The following CACNA2D3 variants were observed in gnomAD, a reference collection of about 807,000 sequenced individuals.
The protein encoded by CACNA2D3 is calcium voltage-gated channel auxiliary subunit alpha2delta 3, also known as voltage-dependent calcium channel subunit alpha-2/delta-3.
A neutral mutation model predicts 160.6 loss-of-function variants in CACNA2D3; 60 were observed. The ratio of observed to expected loss-of-function variants is 0.37; its 90% CI spans 0.30 to 0.46. CACNA2D3 has a LOEUF of 0.46. CACNA2D3 is among the 20% of genes least tolerant of loss of function. The probability of loss-of-function intolerance (pLI) is 1.00; values close to 1 mark genes in which losing one functional copy is unlikely to be tolerated. For synonymous variants in CACNA2D3, 558 were observed against 492.9 expected (o/e 1.13, Z -1.75); for missense variants, 1,205 against 1,365.0 (o/e 0.88, Z 1.85).
chr3:54,529,718 G>GA (rs958994973), intron 5 of CACNA2D3, among the ~76,000 whole-genome samples: 18 of 151,604 alleles, frequency 1.2e-4, no homozygotes, highest in African/African-American at 3.4e-4. Flanking sequence ...GAGCTTAAAG[G>GA]AAAAAAAATG....
chr3:54,413,053 T>G (rs75821365), intron 4 of CACNA2D3, among the ~76,000 whole-genome samples: 3,371 of 151,964 alleles, frequency 0.022, 59 homozygotes, highest in South Asian at 0.057. Flanking sequence ...CTTTTAGCAA[T>G]TTTTAATTTT....
At chr3:54,356,167 A>G (rs1249494362) in intron 3 of CACNA2D3, among the ~76,000 whole-genome samples, 1 of 152,190 alleles carries the variant, frequency 6.6e-6, no homozygotes, top group Non-Finnish European at 1.5e-5. Flanking sequence ...AGCTTTTGAC[A>G]GGGCCAGGAT....
At chr3:54,343,211 TG>T (rs1402255255) in intron 3 of CACNA2D3, among the ~76,000 whole-genome samples, 11 of 152,132 alleles carry the variant, frequency 7.2e-5, no homozygotes, top group African/African-American at 2.7e-4. Flanking sequence ...ACGAGGAGAT[TG>T]TTAAATGCAA....
At chr3:54,906,684 G>A (rs1700455467) in intron 27 of CACNA2D3, among the ~76,000 whole-genome samples, 1 of 152,142 alleles carries the variant, frequency 6.6e-6, no homozygotes, top group South Asian at 2.1e-4. Context: ...AGGGAAAGTG[G>A]GCAACCCAAG....
At chr3:54,636,437 C>T (rs1405849181) in intron 10 of CACNA2D3, among the ~76,000 whole-genome samples, 5 of 151,772 alleles carry the variant, frequency 3.3e-5, no homozygotes, top group Admixed American at 3.3e-4. Flanking sequence ...GCTGAAGGAG[C>T]CAGGGAGCAG....
intron 2 of CACNA2D3, among the ~76,000 whole-genome samples, chr3:54,141,908 C>T (rs562629861): frequency 6.6e-6 from 1 of 152,288 alleles, no homozygotes; most frequent in East Asian, 1.9e-4. Context: ...ATTAGAAGAA[C>T]AAGCAAAATA....
intron 11 of CACNA2D3, among the ~76,000 whole-genome samples, chr3:54,712,765 C>T (rs1042513748): frequency 6.6e-6 from 1 of 152,220 alleles, no homozygotes; most frequent in African/African-American, 2.4e-5. Flanking sequence ...ATTGCCCCTT[C>T]CATCTGCAAA....
intron 4 of CACNA2D3, among the ~76,000 whole-genome samples, chr3:54,433,251 G>T (rs1466695728): frequency 6.6e-6 from 1 of 152,144 alleles, no homozygotes; most frequent in Admixed American, 6.5e-5. Flanking sequence ...TCTCTTTCCA[G>T]TGTAGACTCT....
At chr3:55,034,191 G>C (rs913675530) in intron 35 of CACNA2D3, among the ~76,000 whole-genome samples, 1 of 151,824 alleles carries the variant, frequency 6.6e-6, no homozygotes, top group Non-Finnish European at 1.5e-5. Context: ...GAGAATGTTA[G>C]TTATATTCAT....
intron 11 of CACNA2D3, among the ~76,000 whole-genome samples, chr3:54,733,880 G>A (rs183801794): frequency 1.1e-4 from 17 of 152,128 alleles, no homozygotes; most frequent in African/African-American, 1.9e-4. Context: ...CAGTGAACAC[G>A]TAGCCCAAGT....
At chr3:54,465,500 T>G (rs1700606075) in intron 4 of CACNA2D3, among the ~76,000 whole-genome samples, 1 of 152,172 alleles carries the variant, frequency 6.6e-6, no homozygotes, top group Non-Finnish European at 1.5e-5. Flanking sequence ...TTCAGTACCA[T>G]TGCGGTTTCA....
rs141366559 is a variant in CACNA2D3, at chr3:54,413,947, T to C, written c.381+27173T>C. Among the ~76,000 whole-genome samples the C allele has an allele frequency of 1.6e-3, 242 of 151,324 alleles. 1 individual carries two copies. The highest frequency in any genetic ancestry group is 1.4e-3 in the Non-Finnish European group (94 of 67,660). ...TTTTTTTGCCTCTTCACTTGTCTAG[T>C]AATTTCTTATAGTATGCTAGACATT... is the stretch of plus-strand genomic sequence containing the variant. On this transcript the variant is annotated intron_variant, in intron 4 of 37. Transcript: ENST00000474759.
At chr3:54,781,325 A>G (rs942286182) in intron 13 of CACNA2D3, among the ~76,000 whole-genome samples, 2 of 152,188 alleles carry the variant, frequency 1.3e-5, no homozygotes, top group Non-Finnish European at 1.5e-5. Context: ...AAGTTTGCCA[A>G]TTTCCCATTT....
chr3:54,337,050 G>A (rs917960995), intron 3 of CACNA2D3, among the ~76,000 whole-genome samples: 2 of 152,054 alleles, frequency 1.3e-5, no homozygotes, highest in East Asian at 1.9e-4. Flanking sequence ...TCAAGTTTCT[G>A]TATATACACA....
At chr3:54,186,978 C>A (rs1208981948) in intron 2 of CACNA2D3, among the ~76,000 whole-genome samples, 1 of 152,198 alleles carries the variant, frequency 6.6e-6, no homozygotes. Context: ...TCCCAGAGGT[C>A]TGAATGCCAT....
chr3:54,546,821 T>C (rs1156545596), intron 5 of CACNA2D3, among the ~76,000 whole-genome samples: 1 of 152,204 alleles, frequency 6.6e-6, no homozygotes, highest in Admixed American at 6.5e-5. Flanking sequence ...TAAGCCTAAT[T>C]TGTACTCTTT....
At chr3:54,268,366 C>T (rs941043343) in intron 2 of CACNA2D3, among the ~76,000 whole-genome samples, 3 of 152,138 alleles carry the variant, frequency 2.0e-5, no homozygotes, top group East Asian at 3.9e-4. Context: ...TCTCATTGTG[C>T]CTCACTAAGG....
chr3:54,198,966 C>T (rs1221360506), intron 2 of CACNA2D3, among the ~76,000 whole-genome samples: 2 of 152,206 alleles, frequency 1.3e-5, no homozygotes, highest in East Asian at 1.9e-4. Flanking sequence ...GACATTTATT[C>T]CATTTCTTTT....
intron 13 of CACNA2D3, among the ~76,000 whole-genome samples, chr3:54,807,768 T>C (rs1315185073): frequency 2.0e-5 from 3 of 151,900 alleles, no homozygotes; most frequent in South Asian, 2.1e-4. Context: ...ATGTTTATTG[T>C]GGCACTATTC....
Sources: gnomAD v4.1 joint callset for allele counts (sites outside exome capture counted in the v4.1 genomes callset) on GRCh38, gnomAD v4.1.1 for gene constraint, MANE v1.5 for transcripts, NCBI Gene and HGNC (gene_info 2026-07-23, HGNC 2026-07-21) for gene names.